The following LOXHD1 variants were observed in gnomAD, a reference collection of about 807,000 sequenced individuals.
LOXHD1 encodes the protein lipoxygenase homology PLAT domains 1, also known as lipoxygenase homology domain-containing protein 1.
Under a neutral mutation model 248.2 loss-of-function variants are expected in LOXHD1, and 205 were observed. The ratio of observed to expected loss-of-function variants is 0.83; its 90% CI spans 0.74 to 0.93. LOXHD1 has a LOEUF of 0.93. Ranked by LOEUF, LOXHD1 falls within the 40% of genes least tolerant of loss-of-function variation. The pLI is 0.00. For missense variants in LOXHD1, 2,930 were observed against 2,971.6 expected (o/e 0.99, Z 0.33); for synonymous variants, 1,113 against 1,162.8 (o/e 0.96, Z 0.87).
rs190735543 is a variant in LOXHD1, at chr18:46,591,850, C to T, written c.1654+83G>A. Reference sequence around the variant, plus strand: ...GCCTGAAGATGCAAAGCAGACAAGACTCTCAGCTCATAGGTCAGGCCCATC... The same window carrying T: ...GCCTGAAGATGCAAAGCAGACAAGATTCTCAGCTCATAGGTCAGGCCCATC... On this transcript the variant is annotated intron_variant, in intron 12 of 40. Coordinates refer to ENST00000642948, the MANE Select transcript of LOXHD1 (RefSeq NM_001384474.1). The T allele has an allele frequency of 3.5e-4, 522 of 1,490,482 alleles. 1 individual carries two copies. The African/African-American group carries it at 6.7e-3, about 19-fold the overall frequency. 92.3% of individuals were successfully genotyped at this position (1,490,482 alleles called of 1,614,324 possible). A position where few individuals can be genotyped will look rare whatever the true frequency, so the allele number is the denominator to read the frequency against.
chr18:46,516,797 C>A (rs2035275664), intron 34 of LOXHD1, among the ~76,000 whole-genome samples: 1 of 151,778 alleles, frequency 6.6e-6, no homozygotes, highest in South Asian at 2.1e-4. Flanking sequence ...ATCACCTTCA[C>A]CCCTATTACC....
At chr18:46,626,099 A>G (rs2038738637) in intron 4 of LOXHD1, among the ~76,000 whole-genome samples, 1 of 152,240 alleles carries the variant, frequency 6.6e-6, no homozygotes, top group African/African-American at 2.4e-5. Flanking sequence ...AGTTTATACT[A>G]AGGGAGTAGT....
Position 46,507,618 on chromosome 18 carries a change from T to C in LOXHD1, c.5612A>G (p.Glu1871Gly). 1 of 1,551,748 alleles carries C rather than the reference T, an allele frequency of 6.4e-7. No individual in the cohort carries two copies. The highest frequency in any genetic ancestry group is 8.7e-7 in the Non-Finnish European group (1 of 1,147,002). The stretch of plus-strand genomic sequence containing the variant: ...TTCCTCATCGATAACGGCACACATT[T>C]CACACACCAGGGTCTTCTTGCCCTT... ...QRKGKKTLVC[E>G]MCAVIDEEEM... The change falls in exon 36 of 41, where the codon GAA (glutamate) becomes GGA (glycine). Residue 1871 changes from glutamate (E) to glycine (G), a missense_variant. Transcript: ENST00000642948.
At position 46,533,226 on chromosome 18, in the gene LOXHD1, A is replaced by T. The variant is rs189287659; in HGVS notation, c.4311T>A (p.Thr1437=). Residue 1437 remains threonine, a synonymous_variant, in exon 28 of 41, where the codon ACT becomes ACA. Transcript: ENST00000642948. The part of the protein sequence containing the change: ...IRELVPYDIF[T]EKYMKDGSLR... The stretch of plus-strand genomic sequence containing the variant: ...AGGACCCATCTTTCATGTATTTCTC[A>T]GTGAAGATGTCATATGGAACCAGTT... 1.9e-5 allele frequency: 29 copies of T among 1,551,726 alleles called. No individual in the cohort carries two copies. The East Asian group carries it at 2.0e-4, about 10-fold the overall frequency.
Position 46,577,739 on chromosome 18 carries a change from A to C in LOXHD1, c.1938T>G (p.Pro646=). Residue 646 remains proline, a synonymous_variant, in exon 14 of 41, where the codon CCT becomes CCG. Transcript: ENST00000642948. ...ATGGGAACTCCACGTTGTCGCTCTCAGGCTGCCCCTCCTCTCTCACCAGCA... is the reference window on the plus strand; with the variant it reads ...ATGGGAACTCCACGTTGTCGCTCTCCGGCTGCCCCTCCTCTCTCACCAGCA... ...DRVLVREEGQ[P]ESDNVEFPCL... The C allele has an allele frequency of 2.6e-6, 4 of 1,551,646 alleles. No individual in the cohort carries two copies. Among genetic ancestry groups the C allele is most frequent in the Non-Finnish European group, 3.5e-6 (4 of 1,146,932 alleles).
intron 4 of LOXHD1, among the ~76,000 whole-genome samples, chr18:46,634,867 G>A (rs958705558): frequency 6.6e-6 from 1 of 152,172 alleles, no homozygotes; most frequent in African/African-American, 2.4e-5. Context: ...GATTGATGGT[G>A]GTGACGGTTG....
chr18:46,479,788 A>AC (rs1203832868), intron 40 of LOXHD1, among the ~76,000 whole-genome samples: 7 of 151,352 alleles, frequency 4.6e-5, no homozygotes, highest in East Asian at 3.9e-4. Context: ...AAAAAAAAAA[A>AC]CACCTTTGGT....
At chr18:46,498,011 C>T (rs529140995) in intron 37 of LOXHD1, among the ~76,000 whole-genome samples, 94 of 152,336 alleles carry the variant, frequency 6.2e-4, no homozygotes, top group Middle Eastern at 6.8e-3. Flanking sequence ...AACTAATCTA[C>T]AATGCCTTTC....
At chr18:46,562,983 T>C in intron 18 of LOXHD1, 82 bp downstream of exon 18, 2 of 1,460,252 alleles carry the variant, frequency 1.4e-6, no homozygotes, top group Non-Finnish European at 1.8e-6. Context: ...GAGTATTGAC[T>C]GAGGAAATTA....
intron 36 of LOXHD1, among the ~76,000 whole-genome samples, chr18:46,506,302 G>C (rs977987326): frequency 6.6e-6 from 1 of 152,116 alleles, no homozygotes; most frequent in African/African-American, 2.4e-5. Flanking sequence ...TCTATTTCTG[G>C]GGAAATATAC....
chr18:46,648,329 T>A (rs2039059500), intron 2 of LOXHD1, among the ~76,000 whole-genome samples: 1 of 152,124 alleles, frequency 6.6e-6, no homozygotes, highest in Non-Finnish European at 1.5e-5. Context: ...AAGGACGAGC[T>A]TCACCATTGA....
intron 12 of LOXHD1, among the ~76,000 whole-genome samples, chr18:46,587,440 A>T (rs1014856851): frequency 6.6e-6 from 1 of 152,204 alleles, no homozygotes; most frequent in Non-Finnish European, 1.5e-5. Context: ...TTGCCTGGGA[A>T]TTCCCATCCC....
At chr18:46,647,919 G>A (rs892800503) in intron 2 of LOXHD1, among the ~76,000 whole-genome samples, 1 of 152,154 alleles carries the variant, frequency 6.6e-6, no homozygotes, top group Non-Finnish European at 1.5e-5. Context: ...CACTCCCTGG[G>A]ACCATAGGGT....
intron 28 of LOXHD1, 29 bp from the exon 29 acceptor site, chr18:46,529,360 A>C: frequency 6.6e-7 from 1 of 1,515,188 alleles, no homozygotes; most frequent in Non-Finnish European, 8.9e-7. Context: ...AGACAGACAG[A>C]CAAAGGGAAG....
chr18:46,538,101 C>T, intron 26 of LOXHD1, 55 bp downstream of exon 26: 1 of 1,460,448 alleles, frequency 6.8e-7, no homozygotes, highest in Non-Finnish European at 9.2e-7. Context: ...TAGGGCTTCT[C>T]CTCTCCCTCT....
At chr18:46,576,742 C>T (rs1568196369) in intron 14 of LOXHD1, among the ~76,000 whole-genome samples, 1 of 152,206 alleles carries the variant, frequency 6.6e-6, no homozygotes, top group African/African-American at 2.4e-5. Context: ...CTATGGAGCC[C>T]TCCCAGTGGC....
At chr18:46,620,272 C>T (rs2144332594) in intron 4 of LOXHD1, among the ~76,000 whole-genome samples, 1 of 152,350 alleles carries the variant, frequency 6.6e-6, no homozygotes, top group South Asian at 2.1e-4. Flanking sequence ...CAACTCCAGT[C>T]CAGGGCTCAC....
At position 46,559,501 on chromosome 18, in the gene LOXHD1, C is replaced by T; in HGVS notation, c.3163G>A (p.Gly1055Ser). The change falls in exon 20 of 41, where the codon GGC becomes AGC. Residue 1055 changes from glycine (G) to serine (S), a missense_variant. Physicochemically the swap from Gly to Ser is moderately conservative, Grantham distance 56. Transcript: ENST00000642948. ...TIYGEEYGDT[G>S]ERPLKKSDKS... ...TCTGACTTCTTCAGGGGTCGTTCGCCCGTGTCTCCATACTCCTCGCCGTAG... is the reference window on the plus strand; with the variant it reads ...TCTGACTTCTTCAGGGGTCGTTCGCTCGTGTCTCCATACTCCTCGCCGTAG... 1 of 1,552,104 alleles carries T rather than the reference C, an allele frequency of 6.4e-7. No individual in the cohort carries two copies. Among genetic ancestry groups the T allele is most frequent in the East Asian group, 2.4e-5 (1 of 40,922 alleles).
intron 25 of LOXHD1, among the ~76,000 whole-genome samples, chr18:46,539,709 G>C (rs1250648280): frequency 6.6e-6 from 1 of 152,080 alleles, no homozygotes; most frequent in Non-Finnish European, 1.5e-5. Flanking sequence ...CACACATAAT[G>C]AGAGTACAAT....
Sources: gnomAD v4.1 joint callset for allele counts (sites outside exome capture counted in the v4.1 genomes callset) on GRCh38, gnomAD v4.1.1 for gene constraint, MANE v1.5 for transcripts, NCBI Gene and HGNC (gene_info 2026-07-23, HGNC 2026-07-21) for gene names.